SLC25A17: variants seen among roughly 807,000 people sequenced by gnomAD.
SLC25A17 encodes the protein peroxisomal membrane protein PMP34.
SLC25A17 carries 26 observed loss-of-function variants against 38.5 expected under a neutral mutation model. The ratio of observed to expected loss-of-function variants is 0.68; its 90% CI spans 0.50 to 0.94. SLC25A17 has a LOEUF of 0.94. Ranked by LOEUF, SLC25A17 falls within the 40% of genes least tolerant of loss-of-function variation. The pLI, the probability that SLC25A17 is intolerant of heterozygous loss-of-function variation, is 0.00. For missense variants in SLC25A17, 333 were observed against 372.7 expected (o/e 0.89, Z 0.88); for synonymous variants, 139 against 136.2 (o/e 1.02, Z -0.14).
intron 1 of SLC25A17, among the ~76,000 whole-genome samples, chr22:40,813,181 AT>A (rs1217855257): frequency 6.6e-6 from 1 of 152,148 alleles, no homozygotes; most frequent in East Asian, 1.9e-4. Flanking sequence ...CTATGTCTCA[AT>A]TTCCTCATTT....
Position 40,770,859 on chromosome 22 carries a change from C to T in SLC25A17, c.899G>A (p.Gly300Glu). ...TCAGTGTTGGTGTGCACGCTTCAGC[C>T]CCATAACTGTGAAGGTGGCAGCTGT... ...KLTAATFTVM[G>E]LKRAHQH is the part of the protein sequence containing the mutation. The change falls in exon 9 of 9, where the codon GGG (glycine) becomes GAG (glutamate). Residue 300 changes from glycine to glutamate, a missense_variant. Transcript: ENST00000435456. 1.2e-6 allele frequency: 2 copies of T among 1,613,110 alleles called. No individual in the cohort carries two copies. Among genetic ancestry groups the T allele is most frequent in the Non-Finnish European group, 1.7e-6 (2 of 1,179,382 alleles).
intron 1 of SLC25A17, among the ~76,000 whole-genome samples, chr22:40,810,795 T>C (rs1429163728): frequency 6.6e-6 from 1 of 152,244 alleles, no homozygotes; most frequent in Non-Finnish European, 1.5e-5. Context: ...TAAATTCTTC[T>C]AGTTGTTTGT....
At position 40,781,249 on chromosome 22, in the gene SLC25A17, CT is replaced by C. The variant is rs374161295; in HGVS notation, c.335-2125del. Among the ~76,000 whole-genome samples the C allele has an allele frequency of 8.7e-3, 1,243 of 143,462 alleles. 10 individuals carry two copies. The highest frequency in any genetic ancestry group is 0.023 in the African/African-American group (903 of 39,444). The allele number at this position is 143,462 out of a possible 152,430, so 94.1% of individuals were successfully genotyped here. A position where few individuals can be genotyped will look rare whatever the true frequency, so the allele number is the denominator to read the frequency against. ...CACAAGCAGAAAGACTAAAAGGATT[CT>C]TTTTTTTTTTTTTGAGACGGAGTCT... On this transcript the variant is annotated intron_variant, in intron 4 of 8. Coordinates refer to ENST00000435456, the MANE Select transcript of SLC25A17 (RefSeq NM_006358.4).
intron 1 of SLC25A17, among the ~76,000 whole-genome samples, chr22:40,815,137 A>T (rs1427229412): frequency 6.6e-6 from 1 of 152,118 alleles, no homozygotes; most frequent in Non-Finnish European, 1.5e-5. Flanking sequence ...TCTTTAAATA[A>T]GCTTAGCACA....
chr22:40,773,281 G>A (rs551278744), intron 8 of SLC25A17, among the ~76,000 whole-genome samples: 4 of 151,896 alleles, frequency 2.6e-5, no homozygotes, highest in Admixed American at 2.0e-4. Flanking sequence ...GTGGTGGCAG[G>A]CGCCTGTAGT....
chr22:40,773,332 C>T (rs2057204716), intron 8 of SLC25A17, among the ~76,000 whole-genome samples: 1 of 150,386 alleles, frequency 6.6e-6, no homozygotes, highest in South Asian at 2.1e-4. Context: ...ATGGTGTGAA[C>T]CCAGGAGGCG....
intron 1 of SLC25A17, among the ~76,000 whole-genome samples, chr22:40,804,061 A>T (rs2057507805): frequency 1.3e-5 from 2 of 152,140 alleles, no homozygotes; most frequent in Non-Finnish European, 2.9e-5. Context: ...ACACTGACAC[A>T]GGCACACTGG....
chr22:40,773,641 A>G (rs1467693594), intron 8 of SLC25A17, among the ~76,000 whole-genome samples: 1 of 152,202 alleles, frequency 6.6e-6, no homozygotes, highest in African/African-American at 2.4e-5. Flanking sequence ...AGGATATGCC[A>G]CTGATGAAAG....
Position 40,770,246 on chromosome 22 carries a change from ATCAT to A in SLC25A17, c.*584_*587del, listed in dbSNP as rs1182667351. On this transcript the variant is annotated 3_prime_UTR_variant, in exon 9 of 9. Transcript: ENST00000435456. ...ACATTTACAAATAGTTTATAAGAGA[ATCAT>A]TTGGGTGAACAATTTTCATTTCACA... is the stretch of plus-strand genomic sequence containing the variant. The A allele has an allele frequency of 6.6e-6, 1 of 152,238 alleles. No individual in the cohort carries two copies. Among genetic ancestry groups the A allele is most frequent in the East Asian group, 1.9e-4 (1 of 5,198 alleles). 9.4% of individuals were successfully genotyped at this position (152,238 alleles called of 1,614,324 possible).
At chr22:40,794,242 T>C (rs1302890258) in intron 3 of SLC25A17, among the ~76,000 whole-genome samples, 1 of 152,118 alleles carries the variant, frequency 6.6e-6, no homozygotes, top group African/African-American at 2.4e-5. Flanking sequence ...TTACTGTATA[T>C]AAAACAATGC....
intron 4 of SLC25A17, among the ~76,000 whole-genome samples, chr22:40,791,918 A>G (rs2057388388): frequency 1.3e-5 from 2 of 152,120 alleles, no homozygotes; most frequent in Admixed American, 1.3e-4. Context: ...CAGGCTCTCA[A>G]AGAGAGAGCT....
At position 40,777,251 on chromosome 22, in the gene SLC25A17, G is replaced by A. The variant is rs1192545821; in HGVS notation, c.574C>T (p.Gln192Ter). The A allele has an allele frequency of 6.2e-7, 1 of 1,613,876 alleles. No homozygotes were observed. The highest frequency in any genetic ancestry group is 2.2e-5 in the East Asian group (1 of 44,896). ...QFMFYEGLKR[Q>*]LLKKRMKLSS... The stretch of plus-strand genomic sequence containing the variant: ...ACCTTCATCCGTTTCTTTAAAAGCT[G>A]CCGTTTTAAACCTTCATAAAACATG... The change falls in exon 6 of 9, where the codon CAG becomes TAG. Residue 192 changes from glutamine (Q) to a stop codon, truncating the protein, a stop_gained. Coordinates refer to ENST00000435456, the MANE Select transcript of SLC25A17 (RefSeq NM_006358.4). LOFTEE classifies it high-confidence loss of function.
chr22:40,814,162 C>T (rs1165890772), intron 1 of SLC25A17, among the ~76,000 whole-genome samples: 1 of 152,182 alleles, frequency 6.6e-6, no homozygotes, highest in African/African-American at 2.4e-5. Flanking sequence ...GCATGCTCTT[C>T]CACTATCAGT....
intron 2 of SLC25A17, chr22:40,798,068 C>T (rs915820167): frequency 6.6e-6 from 1 of 152,434 alleles, no homozygotes; most frequent in African/African-American, 2.4e-5. Flanking sequence ...CTAAAGTCAC[C>T]CCAGAGTGTG....
At position 40,803,156 on chromosome 22, in the gene SLC25A17, C is replaced by A. The variant is rs558044491; in HGVS notation, c.55-4073G>T. On this transcript the variant is annotated intron_variant, in intron 1 of 8. Transcript: ENST00000435456. Reference sequence around the variant, plus strand: ...TCTTCTTTTAAAGAGATGGGGTCTCCCTGTGTTGCCCAAGTTGGCCTTGAA... The same window carrying A: ...TCTTCTTTTAAAGAGATGGGGTCTCACTGTGTTGCCCAAGTTGGCCTTGAA... Among the ~76,000 whole-genome samples the A allele has an allele frequency of 9.9e-5, 15 of 152,204 alleles. No homozygotes were observed. The East Asian group carries it at 2.7e-3, about 27-fold the overall frequency.
chr22:40,779,002 T>C lies in SLC25A17; in HGVS notation c.451+7A>G, dbSNP rs2057271555. ...CTTAAATAGGAATTCAGCAAAGAGA[T>C]ACTTACCAATGATACCTTTGTAGTT... On this transcript the variant is annotated splice_region_variant and intron_variant, in intron 5 of 8. Transcript: ENST00000435456. 3.1e-6 allele frequency: 5 copies of C among 1,604,910 alleles called. No individual in the cohort carries two copies. Among genetic ancestry groups the C allele is most frequent in the Non-Finnish European group, 4.3e-6 (5 of 1,171,914 alleles).
intron 1 of SLC25A17, 70 bp from the exon 2 acceptor site, chr22:40,799,153 A>C: frequency 8.3e-7 from 1 of 1,199,526 alleles, no homozygotes; most frequent in Non-Finnish European, 1.2e-6. Flanking sequence ...TTTTTTTGAG[A>C]CAGGATCTTG....
chr22:40,793,154 A>G (rs1427228129), intron 3 of SLC25A17, among the ~76,000 whole-genome samples: 2 of 152,224 alleles, frequency 1.3e-5, no homozygotes, highest in African/African-American at 4.8e-5. Context: ...AATGAAGTAC[A>G]GTAATCAATT....
At position 40,792,626 on chromosome 22, in the gene SLC25A17, G is replaced by A; in HGVS notation, c.233C>T (p.Ser78Phe). Residue 78 changes from serine to phenylalanine, a missense_variant, in exon 4 of 9, where the codon TCC becomes TTC. Coordinates refer to ENST00000435456, the MANE Select transcript of SLC25A17 (RefSeq NM_006358.4). ...AAAAGTGTAGAAATAGACAAAATTG[G>A]AGCAGCAGAGACTGGAAATCACTGG... Reference protein sequence around the residue: ...WFPVISSLCCSNFVYFYTFNS... With the variant: ...WFPVISSLCCFNFVYFYTFNS... 1 of 1,614,096 alleles carries A rather than the reference G, an allele frequency of 6.2e-7. No homozygotes were observed. The highest frequency in any genetic ancestry group is 1.1e-5 in the South Asian group (1 of 91,078).
Sources: allele counts gnomAD v4.1 joint callset (sites outside exome capture counted in the v4.1 genomes callset), GRCh38; gene constraint gnomAD v4.1.1; transcripts MANE v1.5; gene names NCBI Gene and HGNC (gene_info 2026-07-23, HGNC 2026-07-21).